Variants in GALNT13 observed in about 807,000 individuals in gnomAD.
GALNT13 encodes polypeptide N-acetylgalactosaminyltransferase 13.
In GALNT13, 28 loss-of-function variants were observed where a neutral mutation model predicts 64.2. The ratio of observed to expected loss-of-function variants is 0.44; its 90% CI spans 0.32 to 0.60. The LOEUF is 0.60. GALNT13 is among the 20% of genes least tolerant of loss of function. GALNT13 has a pLI of 0.05. For synonymous variants in GALNT13, 214 were observed against 224.6 expected (o/e 0.95, Z 0.42); for missense variants, 577 against 669.8 (o/e 0.86, Z 1.53).
rs1305859663 is a variant in GALNT13 at position 154,236,202 on chromosome 2, GAT to G, written c.312-5824_312-5823del. On this transcript the variant is annotated intron_variant, in intron 4 of 12. Transcript: ENST00000392825. ...AAAGGTAATCTTCCTACTTTTATAA[GAT>G]ATAAACACACAAAGAGATGTTAACC... 5 of 1,020,504 alleles carry G rather than the reference GAT, an allele frequency of 4.9e-6. No homozygotes were observed. The East Asian group carries it at 3.0e-4, about 61-fold the overall frequency. 63.2% of individuals were successfully genotyped at this position (1,020,504 alleles called of 1,614,324 possible).
the GALNT13 span, among the ~76,000 whole-genome samples, chr2:153,739,888 C>T: frequency 2.0e-5 from 3 of 151,514 alleles, no homozygotes; most frequent in South Asian, 2.1e-4. Flanking sequence ...TCTTCTAATG[C>T]AGTTTGAGTT....
intron 9 of GALNT13, among the ~76,000 whole-genome samples, chr2:154,315,605 T>G (rs1694278097): frequency 6.6e-6 from 1 of 152,210 alleles, no homozygotes; most frequent in Admixed American, 6.5e-5. Flanking sequence ...ACATGATTCG[T>G]TAACACATCC....
intron 1 of GALNT13, among the ~76,000 whole-genome samples, chr2:153,898,132 G>C (rs576689993): frequency 6.6e-6 from 1 of 152,028 alleles, no homozygotes; most frequent in Non-Finnish European, 1.5e-5. Context: ...TATATAGTGG[G>C]AGCTTGAAAG....
chr2:154,383,141 A>G (rs893013224), intron 9 of GALNT13, among the ~76,000 whole-genome samples: 2 of 151,946 alleles, frequency 1.3e-5, no homozygotes, highest in African/African-American at 2.4e-5. Context: ...GGTATACAAC[A>G]GAAGTACACA....
chr2:154,422,322 G>A (rs557459822), intron 11 of GALNT13, among the ~76,000 whole-genome samples: 5 of 152,266 alleles, frequency 3.3e-5, no homozygotes, highest in African/African-American at 1.2e-4. Context: ...GTTATTTAGT[G>A]TTGAAGTCTA....
At chr2:153,611,679 CTTTTTTTTTTT>C in the GALNT13 span, among the ~76,000 whole-genome samples, 7 of 104,394 alleles carry the variant, frequency 6.7e-5, no homozygotes, top group African/African-American at 1.8e-4. Context: ...ACATTTTTAC[CTTTTTTTTTTT>C]TTTTTTTTTT....
the GALNT13 span, among the ~76,000 whole-genome samples, chr2:153,856,720 T>A: frequency 6.6e-6 from 1 of 152,296 alleles, no homozygotes; most frequent in South Asian, 2.1e-4. Context: ...TGACAGTTTC[T>A]AATGAAGTTG....
intron 4 of GALNT13, among the ~76,000 whole-genome samples, chr2:154,213,770 A>G (rs972718136): frequency 3.3e-5 from 5 of 152,354 alleles, no homozygotes; most frequent in East Asian, 3.9e-4. Flanking sequence ...TAATGCTTCA[A>G]TAACAGGATT....
At chr2:154,387,411 A>C (rs919798606) in intron 9 of GALNT13, among the ~76,000 whole-genome samples, 1 of 152,164 alleles carries the variant, frequency 6.6e-6, no homozygotes, top group Admixed American at 6.5e-5. Context: ...GCTAATTAAC[A>C]TAGCCATAAC....
chr2:153,627,618 A>G, the GALNT13 span, among the ~76,000 whole-genome samples: 1 of 152,114 alleles, frequency 6.6e-6, no homozygotes, highest in Non-Finnish European at 1.5e-5. Context: ...AGTTTTTACC[A>G]TTGAAAGTAA....
the GALNT13 span, among the ~76,000 whole-genome samples, chr2:153,252,880 G>A: frequency 6.6e-6 from 1 of 152,172 alleles, no homozygotes; most frequent in Non-Finnish European, 1.5e-5. Context: ...TAGCCTTGTA[G>A]TATAGTTTGA....
intron 9 of GALNT13, among the ~76,000 whole-genome samples, chr2:154,319,805 C>T: frequency 6.6e-6 from 1 of 152,008 alleles, no homozygotes; most frequent in Non-Finnish European, 1.5e-5. Flanking sequence ...AAATATTACT[C>T]TTTTCATTCA....
At chr2:153,180,777 G>T in the GALNT13 span, among the ~76,000 whole-genome samples, 1 of 151,208 alleles carries the variant, frequency 6.6e-6, no homozygotes, top group East Asian at 1.9e-4. Flanking sequence ...GGTAGTTTGT[G>T]TTTATCTAAT....
At chr2:153,434,332 T>C in the GALNT13 span, among the ~76,000 whole-genome samples, 1 of 152,226 alleles carries the variant, frequency 6.6e-6, no homozygotes, top group Non-Finnish European at 1.5e-5. Context: ...TATAATCCTT[T>C]GGGTATATAC....
intron 9 of GALNT13, among the ~76,000 whole-genome samples, chr2:154,304,151 C>T (rs989338280): frequency 3.9e-5 from 6 of 152,154 alleles, no homozygotes; most frequent in African/African-American, 1.4e-4. Context: ...AGAATGGGGG[C>T]ATTGTATGTT....
chr2:153,625,979 A>G, the GALNT13 span, among the ~76,000 whole-genome samples: 4 of 152,092 alleles, frequency 2.6e-5, no homozygotes, highest in South Asian at 4.1e-4. Context: ...ATATTCACAC[A>G]CTTGTTACTA....
chr2:153,372,467 G>A, the GALNT13 span, among the ~76,000 whole-genome samples: 1 of 152,070 alleles, frequency 6.6e-6, no homozygotes, highest in Non-Finnish European at 1.5e-5. Context: ...CTAACATGGT[G>A]AAACCCCGTC....
chr2:153,074,827 T>G, the GALNT13 span, among the ~76,000 whole-genome samples: 1 of 152,186 alleles, frequency 6.6e-6, no homozygotes, highest in African/African-American at 2.4e-5. Context: ...CCCAAACTCC[T>G]AGGCTCCAGC....
the GALNT13 span, among the ~76,000 whole-genome samples, chr2:153,435,669 A>G: frequency 2.6e-5 from 4 of 152,148 alleles, no homozygotes. Context: ...TGATTTTTGC[A>G]CATTGATTTT....
Sources: gnomAD v4.1 joint callset for allele counts (sites outside exome capture counted in the v4.1 genomes callset) on GRCh38, gnomAD v4.1.1 for gene constraint, MANE v1.5 for transcripts, NCBI Gene and HGNC (gene_info 2026-07-23, HGNC 2026-07-21) for gene names.